Variants in SESTD1 observed in about 807,000 individuals in gnomAD.
The protein encoded by SESTD1 is SEC14 domain and spectrin repeat-containing protein 1.
SESTD1 carries 43 observed loss-of-function variants against 101.7 expected under a neutral mutation model. The observed-to-expected ratio is 0.42, with a 90% confidence interval of 0.33 to 0.55. The LOEUF (loss-of-function observed/expected upper bound fraction) is 0.55, where lower values mean the gene tolerates loss of function less well. SESTD1 is among the 20% of genes least tolerant of loss of function. SESTD1 has a pLI of 0.07. For synonymous variants in SESTD1, 283 were observed against 286.8 expected, an observed-to-expected ratio of 0.99 and a Z score of 0.13; for missense variants, 647 against 815.1, an observed-to-expected ratio of 0.79 and a Z score of 2.51.
chr2:179,242,904 G>A (rs1055658832), intron 1 of SESTD1, among the ~76,000 whole-genome samples: 1 of 152,144 alleles, frequency 6.6e-6, no homozygotes. Context: ...AACAATTCAT[G>A]ACTAAGTCCT....
At chr2:179,230,111 C>CT (rs1559153333) in intron 1 of SESTD1, among the ~76,000 whole-genome samples, 2 of 80,352 alleles carry the variant, frequency 2.5e-5, no homozygotes, top group Admixed American at 2.0e-4. Flanking sequence ...TGGATTGTAT[C>CT]TCTTTTTTTT....
intron 14 of SESTD1, 113 bp downstream of exon 14, chr2:179,117,419 G>GAC: frequency 1.2e-6 from 1 of 864,720 alleles, no homozygotes; most frequent in South Asian, 1.8e-5. Flanking sequence ...ACTAGAACCT[G>GAC]ACTTCAAGAA....
At chr2:179,239,571 A>T (rs2105545649) in intron 1 of SESTD1, among the ~76,000 whole-genome samples, 1 of 152,292 alleles carries the variant, frequency 6.6e-6, no homozygotes, top group Middle Eastern at 3.4e-3. Flanking sequence ...TAAATGTGAG[A>T]GCCCCAGTTC....
chr2:179,133,132 C>T (rs2045049319), intron 9 of SESTD1, among the ~76,000 whole-genome samples: 1 of 152,056 alleles, frequency 6.6e-6, no homozygotes. Context: ...CTATAGTTTG[C>T]CAGGATGACA....
chr2:179,221,563 G>A (rs1273579868), intron 1 of SESTD1, among the ~76,000 whole-genome samples: 1 of 151,348 alleles, frequency 6.6e-6, no homozygotes, highest in Non-Finnish European at 1.5e-5. Flanking sequence ...AGGTTGCAGT[G>A]AGCCAAGATG....
At position 179,185,242 on chromosome 2, in the gene SESTD1, G is replaced by A. The variant is rs929688611; in HGVS notation, c.56-2054C>T. Among the ~76,000 whole-genome samples, 4 of 150,846 alleles carry A rather than the reference G, an allele frequency of 2.7e-5. No homozygotes were observed. In the South Asian group the frequency reaches 8.3e-4, roughly 31 times the overall value. ...GTACAAAATAGACAAAGCTTTCCAGGTATAGAAGAGAAAAAACTGCACAAA... is the reference window on the plus strand; with the variant it reads ...GTACAAAATAGACAAAGCTTTCCAGATATAGAAGAGAAAAAACTGCACAAA... On this transcript the variant is annotated intron_variant, in intron 2 of 17. Transcript: ENST00000428443.
chr2:179,210,405 T>C (rs1255854685), intron 1 of SESTD1, among the ~76,000 whole-genome samples: 2 of 134,102 alleles, frequency 1.5e-5, no homozygotes, highest in Non-Finnish European at 3.2e-5. Flanking sequence ...CCAATATCCC[T>C]GATTAAGATA....
chr2:179,252,261 G>A (rs888504240), intron 1 of SESTD1, among the ~76,000 whole-genome samples: 5 of 152,160 alleles, frequency 3.3e-5, no homozygotes, highest in Non-Finnish European at 5.9e-5. Context: ...GGAGTTCTTA[G>A]GTATTTTGAA....
intron 12 of SESTD1, among the ~76,000 whole-genome samples, chr2:179,122,130 GCT>G (rs1209615302): frequency 6.6e-6 from 1 of 152,132 alleles, no homozygotes; most frequent in Admixed American, 6.6e-5. Context: ...TCGAATTGGA[GCT>G]CTCTCTCATG....
Position 179,202,727 on chromosome 2 carries a change from A to C in SESTD1, c.-25-10861T>G, listed in dbSNP as rs1282949634. 1.3e-4 allele frequency among the ~76,000 whole-genome samples: 17 copies of C among 135,296 alleles called. 3 individuals are homozygous for C. The highest frequency in any genetic ancestry group is 2.2e-4 in the Non-Finnish European group (14 of 62,830). The allele number at this position is 135,296 out of a possible 152,430, so 88.8% of individuals were successfully genotyped here. Reference sequence around the variant, plus strand: ...CTAGAATTCAACAGTTTCACTTTTAAATGATACTGTGAATGGAATCATTCT... The same window carrying C: ...CTAGAATTCAACAGTTTCACTTTTACATGATACTGTGAATGGAATCATTCT... On this transcript the variant is annotated intron_variant, in intron 1 of 17. Coordinates refer to ENST00000428443, the MANE Select transcript of SESTD1 (RefSeq NM_178123.5).
At chr2:179,218,223 C>A (rs1426151153) in intron 1 of SESTD1, among the ~76,000 whole-genome samples, 3 of 151,990 alleles carry the variant, frequency 2.0e-5, no homozygotes, top group Non-Finnish European at 2.9e-5. Flanking sequence ...GGATTATACT[C>A]TCAAACAAGG....
intron 1 of SESTD1, among the ~76,000 whole-genome samples, chr2:179,205,649 T>G (rs2046580872): frequency 7.4e-6 from 1 of 135,400 alleles, no homozygotes; most frequent in Admixed American, 7.2e-5. Context: ...TTAAAAAAAT[T>G]AAACAGCTTT....
chr2:179,256,465 A>G (rs1273859978), intron 1 of SESTD1, among the ~76,000 whole-genome samples: 1 of 152,202 alleles, frequency 6.6e-6, no homozygotes, highest in Admixed American at 6.5e-5. Context: ...CAGAACTAGA[A>G]TTAGAAGTGG....
intron 2 of SESTD1, among the ~76,000 whole-genome samples, chr2:179,185,325 T>C (rs767862542): frequency 2.2e-4 from 32 of 147,870 alleles, no homozygotes; most frequent in Non-Finnish European, 4.0e-4. Flanking sequence ...ATATATAATA[T>C]AGCATATATT....
chr2:179,239,277 T>C (rs961348444), intron 1 of SESTD1, among the ~76,000 whole-genome samples: 2 of 152,236 alleles, frequency 1.3e-5, no homozygotes, highest in Non-Finnish European at 2.9e-5. Context: ...AATTCTGTTA[T>C]TTCATATTGT....
intron 1 of SESTD1, among the ~76,000 whole-genome samples, chr2:179,253,860 GGCTGAA>G (rs2047354118): frequency 6.6e-6 from 1 of 152,046 alleles, no homozygotes; most frequent in South Asian, 2.1e-4. Context: ...CACTTTAGAA[GGCTGAA>G]GCAAGCGGAT....
At chr2:179,248,867 G>C (rs1235277481) in intron 1 of SESTD1, among the ~76,000 whole-genome samples, 1 of 151,158 alleles carries the variant, frequency 6.6e-6, no homozygotes, top group Non-Finnish European at 1.5e-5. Flanking sequence ...AATTGCTTTA[G>C]CCCAGGAGTT....
chr2:179,200,316 G>T (rs11904657), intron 1 of SESTD1, among the ~76,000 whole-genome samples: 13,958 of 152,140 alleles, frequency 0.092, 2,117 homozygotes, highest in African/African-American at 0.32. Flanking sequence ...TGGGTAGGAA[G>T]AATCAATATC....
chr2:179,176,667 T>A, intron 3 of SESTD1, 129 bp from the exon 4 acceptor site: 1 of 547,722 alleles, frequency 1.8e-6, no homozygotes, highest in Non-Finnish European at 3.0e-6. Context: ...TTAGTTTACA[T>A]TGTCAATAAA....
Sources: gnomAD v4.1 joint callset for allele counts (sites outside exome capture counted in the v4.1 genomes callset) on GRCh38, gnomAD v4.1.1 for gene constraint, MANE v1.5 for transcripts, NCBI Gene and HGNC (gene_info 2026-07-23, HGNC 2026-07-21) for gene names.